Variants in CLU observed in about 807,000 individuals in gnomAD.
CLU encodes aging-associated protein 4.
Under a neutral mutation model 46.4 loss-of-function variants are expected in CLU, and 25 were observed. That is an observed-to-expected ratio of 0.54 (90% confidence interval 0.39 to 0.75). The LOEUF is 0.75. Among genes scored for constraint, CLU ranks in the 30% least tolerant of loss-of-function variants. The pLI is 0.00. For missense variants in CLU, 504 were observed against 592.1 expected (o/e 0.85, Z 1.54); for synonymous variants, 235 against 235.1 (o/e 1.00, Z 0.00).
intron 1 of CLU, chr8:27,610,841 G>A (rs1800914014): frequency 2.0e-6 from 1 of 495,360 alleles, no homozygotes; most frequent in African/African-American, 1.9e-5. Flanking sequence ...AATGTTGAGT[G>A]GAAGAAACAA....
chr8:27,605,551 C>T (rs1800807785), intron 4 of CLU, among the ~76,000 whole-genome samples: 1 of 152,242 alleles, frequency 6.6e-6, no homozygotes, highest in Non-Finnish European at 1.5e-5. Flanking sequence ...AGTTTTGAGA[C>T]ACCTGGGAGG....
chr8:27,597,970 A>G lies in CLU; in HGVS notation c.*271T>C. The G allele has an allele frequency of 1.5e-6, 1 of 660,334 alleles. No individual in the cohort carries two copies. The highest frequency in any genetic ancestry group is 2.8e-6 in the Non-Finnish European group (1 of 360,770). 40.9% of individuals were successfully genotyped at this position (660,334 alleles called of 1,614,324 possible). On this transcript the variant is annotated 3_prime_UTR_variant, in exon 9 of 9. Transcript: ENST00000316403. Reference sequence around the variant, plus strand: ...AGGCATGCCGGGAAGCAGCAACTCAACATAAAAAGAGGACCCTCCAAGCGA... The same window carrying G: ...AGGCATGCCGGGAAGCAGCAACTCAGCATAAAAAGAGGACCCTCCAAGCGA...
At chr8:27,607,996 C>T (rs1800852506) in intron 3 of CLU, among the ~76,000 whole-genome samples, 1 of 152,140 alleles carries the variant, frequency 6.6e-6, no homozygotes, top group Non-Finnish European at 1.5e-5. Context: ...TGTCAAACTC[C>T]AGTGATAACC....
intron 1 of CLU, among the ~76,000 whole-genome samples, chr8:27,612,751 C>T (rs1337569191): frequency 6.6e-6 from 1 of 151,996 alleles, no homozygotes; most frequent in East Asian, 1.9e-4. Context: ...CCCTCATCTC[C>T]TCTGCCTCCT....
chr8:27,600,006 C>T lies in CLU; in HGVS notation c.938G>A (p.Cys313Tyr). 6.2e-7 allele frequency: 1 copy of T among 1,613,486 alleles called. No individual in the cohort carries two copies. Among genetic ancestry groups the T allele is most frequent in the Non-Finnish European group, 8.5e-7 (1 of 1,179,478 alleles). ...DKCREILSVDCSTNNPSQAKL... is the reference protein window; with the variant it reads ...DKCREILSVDYSTNNPSQAKL... ...AGCCTGGGAGGGGTTGTTGGTGGAA[C>T]AGTCTGCCCAGAGATGGAAGAAACG... The change falls in exon 7 of 9, where the codon TGT becomes TAT. Residue 313 changes from cysteine (C) to tyrosine (Y), a missense_variant. This residue lies in a region of CLU where 428 missense variants were observed against 484.0 expected (regional missense o/e 0.88). Transcript: ENST00000316403.
chr8:27,613,976 G>C (rs1258863871), intron 1 of CLU: 2 of 152,144 alleles, frequency 1.3e-5, no homozygotes, highest in African/African-American at 4.8e-5. Flanking sequence ...CTTATTTGCT[G>C]TTTAGTGTTG....
chr8:27,613,920 A>C (rs1800970255), intron 1 of CLU: 2 of 152,220 alleles, frequency 1.3e-5, no homozygotes, highest in South Asian at 4.1e-4. Context: ...TAGGTCCAGA[A>C]ATTCTGGAAG....
At chr8:27,610,624 T>G (rs185940243) in intron 1 of CLU, 24 bp from the exon 2 acceptor site, 6 of 1,573,236 alleles carry the variant, frequency 3.8e-6, no homozygotes, top group Middle Eastern at 1.7e-4. Flanking sequence ...GAGACCATCA[T>G]GGGAACAGCT....
In CLU at chr8:27,598,191, G is replaced by T; in HGVS notation, c.*50C>A. 6.2e-7 allele frequency: 1 copy of T among 1,605,340 alleles called. No homozygotes were observed. The highest frequency in any genetic ancestry group is 2.2e-5 in the East Asian group (1 of 44,828). ...TCTGGGGGGCTGCAGCTCATCTTGGGGGGAGCTGGACTCAGATGCCCCCGT... is the reference window on the plus strand; with the variant it reads ...TCTGGGGGGCTGCAGCTCATCTTGGTGGGAGCTGGACTCAGATGCCCCCGT... On this transcript the variant is annotated 3_prime_UTR_variant, in exon 9 of 9. Transcript: ENST00000316403.
At chr8:27,612,093 G>A in intron 1 of CLU, 2 of 322,126 alleles carry the variant, frequency 6.2e-6, no homozygotes, top group South Asian at 2.7e-5. Flanking sequence ...AGCGGGCACA[G>A]AGTCTGCTCC....
rs749923898 is a variant in CLU, at chr8:27,597,926, G to GC, written c.*314dup. Reference sequence around the variant, plus strand: ...TACTTATTTTCCATCCCCCCTGCCTGCCCCCCATAGCAAAATGAAGGCATG... The same window carrying GC: ...TACTTATTTTCCATCCCCCCTGCCTGCCCCCCCATAGCAAAATGAAGGCATG... On this transcript the variant is annotated 3_prime_UTR_variant, in exon 9 of 9. Coordinates refer to ENST00000316403, the MANE Select transcript of CLU (RefSeq NM_001831.4). The GC allele has an allele frequency of 3.4e-5, 20 of 596,844 alleles. No individual in the cohort carries two copies. Among genetic ancestry groups the GC allele is most frequent in the Non-Finnish European group, 6.2e-5 (20 of 321,192 alleles). The allele number at this position is 596,844 out of a possible 1,614,324, so 37.0% of individuals were successfully genotyped here.
Position 27,606,516 on chromosome 8 carries a change from T to C in CLU, c.255A>G (p.Leu85=). ...EEAKKKKEDA[L]NETRESETKL... ...TTGTCTCTGATTCCCTGGTCTCATT[T>C]AGGGCATCCTACAGGAAGACACAAG... The change falls in exon 4 of 9, where the codon CTA becomes CTG. Residue 85 remains leucine, a synonymous_variant. Coordinates refer to ENST00000316403, the MANE Select transcript of CLU (RefSeq NM_001831.4). 6.2e-7 allele frequency: 1 copy of C among 1,614,122 alleles called. No individual in the cohort carries two copies. The highest frequency in any genetic ancestry group is 8.5e-7 in the Non-Finnish European group (1 of 1,180,008).
At chr8:27,607,747 C>CA (rs35500730) in intron 3 of CLU, among the ~76,000 whole-genome samples, 75,305 of 144,490 alleles carry the variant, frequency 0.52, 19,612 homozygotes, top group East Asian at 0.79. Context: ...TGTTAGTCTT[C>CA]AAAAAAAAAA....
chr8:27,597,914 T>C lies in CLU; in HGVS notation c.*327A>G, dbSNP rs572114565. 1.6e-4 allele frequency: 93 copies of C among 574,268 alleles called. No individual in the cohort carries two copies. The highest frequency in any genetic ancestry group is 1.6e-3 in the African/African-American group (85 of 54,032). The allele number at this position is 574,268 out of a possible 1,614,324, so 35.6% of individuals were successfully genotyped here. ...CTTTTTTGTTTCTACTTATTTTCCA[T>C]CCCCCCTGCCTGCCCCCCATAGCAA... is the stretch of plus-strand genomic sequence containing the variant. On this transcript the variant is annotated 3_prime_UTR_variant, in exon 9 of 9. Transcript: ENST00000316403.
Position 27,596,920 on chromosome 8 carries a change from C to G in CLU, c.*1321G>C, listed in dbSNP as rs1800607252. 2.2e-6 allele frequency: 1 copy of G among 446,676 alleles called. No homozygotes were observed. The highest frequency in any genetic ancestry group is 4.5e-6 in the Non-Finnish European group (1 of 223,576). 27.7% of individuals were successfully genotyped at this position (446,676 alleles called of 1,614,324 possible). ...CATAACAGTGGAAAAGAAAAAGTAA[C>G]TTTTGAAACAGTGTGACATTAATGT... On this transcript the variant is annotated 3_prime_UTR_variant, in exon 9 of 9. Coordinates refer to ENST00000316403, the MANE Select transcript of CLU (RefSeq NM_001831.4).
rs1241239070 is a variant in CLU, at chr8:27,597,477, T to A, written c.*764A>T. The A allele has an allele frequency of 2.2e-6, 1 of 454,298 alleles. No individual in the cohort carries two copies. The highest frequency in any genetic ancestry group is 2.3e-5 in the Admixed American group (1 of 42,564). 28.1% of individuals were successfully genotyped at this position (454,298 alleles called of 1,614,324 possible). ...AGAAGATGCCCCTGGGATGCTGAGC[T>A]CTTACAACTCGAAATCAACAGCTTT... On this transcript the variant is annotated 3_prime_UTR_variant, in exon 9 of 9. Transcript: ENST00000316403.
At position 27,613,366 on chromosome 8, in the gene CLU, A is replaced by G. The variant is rs1010897212; in HGVS notation, c.-30+1289T>C. 1.2e-4 allele frequency among the ~76,000 whole-genome samples: 18 copies of G among 149,320 alleles called. No homozygotes were observed. In the Admixed American group the frequency reaches 1.2e-3, roughly 10 times the overall value. ...GCGCTACTCTACTCCAGCCTGGGCA[A>G]CAGAGTGAGACTTGGTCTCAGGAAA... On this transcript the variant is annotated intron_variant, in intron 1 of 8. Transcript: ENST00000316403.
intron 6 of CLU, 102 bp downstream of exon 6, chr8:27,604,187 ACG>A: frequency 1.1e-6 from 1 of 900,440 alleles, no homozygotes; most frequent in Non-Finnish European, 1.8e-6. Context: ...TGGAATCCAA[ACG>A]CTTATCTGTC....
rs771592746 is a variant in CLU, at chr8:27,609,013, C to T, written c.171G>A (p.Lys57=). The part of the protein sequence containing the change: ...QNAVNGVKQI[K]TLIEKTNEER... Reference sequence around the variant, plus strand: ...CTTCGTTTGTTTTTTCTATGAGAGTCTTTATCTGTTTCACCCCGTTGACAG... The same window carrying T: ...CTTCGTTTGTTTTTTCTATGAGAGTTTTTATCTGTTTCACCCCGTTGACAG... The change falls in exon 3 of 9, where the codon AAG becomes AAA. Residue 57 remains lysine (K), a synonymous_variant. Coordinates refer to ENST00000316403, the MANE Select transcript of CLU (RefSeq NM_001831.4). 8 of 1,614,128 alleles carry T rather than the reference C, an allele frequency of 5.0e-6. 1 individual carries two copies. Among genetic ancestry groups the T allele is most frequent in the South Asian group, 4.4e-5 (4 of 91,082 alleles).
Sources: gnomAD v4.1 joint callset for allele counts (sites outside exome capture counted in the v4.1 genomes callset) on GRCh38, gnomAD v4.1.1 for gene constraint, gnomAD v4.1.1 regional missense constraint, MANE v1.5 for transcripts, NCBI Gene and HGNC (gene_info 2026-07-23, HGNC 2026-07-21) for gene names.